Variants in ATP10A observed in about 807,000 individuals in gnomAD.
ATP10A encodes the protein phospholipid-transporting ATPase VA.
Under a neutral mutation model 147.8 loss-of-function variants are expected in ATP10A, and 111 were observed. The observed-to-expected ratio is 0.75, with a 90% CI of 0.64 to 0.88. ATP10A has a LOEUF of 0.88. Ranked by LOEUF, ATP10A falls within the 40% of genes least tolerant of loss-of-function variation. ATP10A has a pLI of 0.00. For missense variants in ATP10A, 1,927 were observed against 1,959.0 expected (o/e 0.98, Z 0.31); for synonymous variants, 875 against 841.6 (o/e 1.04, Z -0.69).
chr15:25,806,998 T>A (rs1306085214), intron 1 of ATP10A, among the ~76,000 whole-genome samples: 1 of 152,178 alleles, frequency 6.6e-6, no homozygotes, highest in Non-Finnish European at 1.5e-5. Flanking sequence ...CACTCACACG[T>A]GTGTTTCCAT....
At chr15:25,775,886 T>C (rs1933426856) in intron 2 of ATP10A, among the ~76,000 whole-genome samples, 1 of 152,246 alleles carries the variant, frequency 6.6e-6, no homozygotes, top group South Asian at 2.1e-4. Context: ...TCACCCCGGC[T>C]GAAATTCCAA....
intron 15 of ATP10A, among the ~76,000 whole-genome samples, chr15:25,688,271 C>G (rs984151983): frequency 4.6e-5 from 7 of 152,144 alleles, no homozygotes; most frequent in Non-Finnish European, 1.5e-5. Flanking sequence ...ACAGACATTC[C>G]CCTGTCCTGG....
chr15:25,807,956 T>C (rs1032180574), intron 1 of ATP10A, among the ~76,000 whole-genome samples: 7 of 151,756 alleles, frequency 4.6e-5, no homozygotes, highest in African/African-American at 1.2e-4. Context: ...CAGTAGAACA[T>C]ACCAGTAGGA....
At chr15:25,682,962 G>A (rs918274746) in intron 17 of ATP10A, among the ~76,000 whole-genome samples, 22 of 152,064 alleles carry the variant, frequency 1.4e-4, no homozygotes, top group South Asian at 4.2e-4. Flanking sequence ...GTTAATTCCC[G>A]TTCAAAATAA....
At chr15:25,832,296 T>G (rs1892393081) in intron 1 of ATP10A, among the ~76,000 whole-genome samples, 1 of 152,210 alleles carries the variant, frequency 6.6e-6, no homozygotes, top group African/African-American at 2.4e-5. Flanking sequence ...TTAAGCCACC[T>G]GGTGTATGGT....
chr15:25,695,021 C>T lies in ATP10A; in HGVS notation c.2886G>A (p.Thr962=), dbSNP rs112134913. The change falls in exon 14 of 21, where the codon ACG becomes ACA. Residue 962 remains threonine, a synonymous_variant. Coordinates refer to ENST00000555815, the MANE Select transcript of ATP10A (RefSeq NM_024490.4). ...TGGGTCTGCGGCCAGAGGCAGTGGA[C>T]GTGGAGGGTGGGCAGAGAGAGGAGA... ...MRFSSLCPPS[T]STASGRRPSL... is the part of the protein sequence containing the mutation. The T allele has an allele frequency of 1.2e-3, 2,015 of 1,614,146 alleles. 15 individuals are homozygous for T. The African/African-American group carries it at 0.02, about 16-fold the overall frequency.
chr15:25,719,639 G>T (rs1902085939), intron 7 of ATP10A, among the ~76,000 whole-genome samples: 1 of 151,736 alleles, frequency 6.6e-6, no homozygotes, highest in African/African-American at 2.4e-5. Context: ...TTCCCTCAGA[G>T]GCTGTGGGGG....
chr15:25,818,809 A>G (rs1027210049), intron 1 of ATP10A, among the ~76,000 whole-genome samples: 2 of 152,114 alleles, frequency 1.3e-5, no homozygotes, highest in Admixed American at 1.3e-4. Flanking sequence ...TGATCTCACA[A>G]AGTCGACAAA....
intron 1 of ATP10A, among the ~76,000 whole-genome samples, chr15:25,787,402 C>G (rs943708515): frequency 6.6e-6 from 1 of 151,700 alleles, no homozygotes; most frequent in Non-Finnish European, 1.5e-5. Flanking sequence ...TCATTTGAAC[C>G]CAGGAGTTCA....
rs377733829 is a variant in ATP10A, at chr15:25,683,386, G to A, written c.3392C>T (p.Ser1131Leu). The change falls in exon 17 of 21, where the codon TCG becomes TTG. Residue 1131 changes from serine (S) to leucine (L), a missense_variant. Coordinates refer to ENST00000555815, the MANE Select transcript of ATP10A (RefSeq NM_024490.4). The stretch of plus-strand genomic sequence containing the variant: ...CCCAGTCACGAGCGGGGGAAGTGAC[G>A]AGAAGAGCAGATTAAAGAAGATTAG... ...WYLIFFNLLF[S>L]SLPPLVTGVL... 3.7e-6 allele frequency: 6 copies of A among 1,614,076 alleles called. No homozygotes were observed. Among genetic ancestry groups the A allele is most frequent in the South Asian group, 1.1e-5 (1 of 91,072 alleles).
intron 15 of ATP10A, among the ~76,000 whole-genome samples, chr15:25,689,276 G>T (rs985114598): frequency 1.8e-4 from 27 of 152,184 alleles, no homozygotes; most frequent in Admixed American, 1.6e-3. Flanking sequence ...AGAGATGTTG[G>T]GGTCACCTTG....
intron 5 of ATP10A, among the ~76,000 whole-genome samples, chr15:25,724,715 C>T (rs1021076442): frequency 5.9e-5 from 9 of 152,146 alleles, no homozygotes; most frequent in African/African-American, 1.9e-4. Context: ...AGTTTAGCAC[C>T]AGGTTACTGA....
At position 25,819,487 on chromosome 15, in the gene ATP10A, A is replaced by G. The variant is rs561011810; in HGVS notation, c.450-38264T>C. ...AACACTGGTGGTGGAAATGTAAATT[A>G]GTACAAATCTATGGAAAACAATATG... On this transcript the variant is annotated intron_variant, in intron 1 of 20. Coordinates refer to ENST00000555815, the MANE Select transcript of ATP10A (RefSeq NM_024490.4). Among the ~76,000 whole-genome samples the G allele has an allele frequency of 3.9e-5, 6 of 152,310 alleles. No individual in the cohort carries two copies. The South Asian group carries it at 1.2e-3, about 32-fold the overall frequency.
At position 25,733,590 on chromosome 15, in the gene ATP10A, G is replaced by A. The variant is rs180814979; in HGVS notation, c.740+2466C>T. On this transcript the variant is annotated intron_variant, in intron 3 of 20. Transcript: ENST00000555815. ...GGCCCCTCCTGACCTGTCTGGCTGGGAGAGGGGCCATCCAGGCCCTGACAG... is the reference window on the plus strand; with the variant it reads ...GGCCCCTCCTGACCTGTCTGGCTGGAAGAGGGGCCATCCAGGCCCTGACAG... Among the ~76,000 whole-genome samples, 11 of 152,346 alleles carry A rather than the reference G, an allele frequency of 7.2e-5. No individual in the cohort carries two copies. In the East Asian group the frequency reaches 2.1e-3, roughly 29 times the overall value.
chr15:25,713,879 C>T lies in ATP10A; in HGVS notation c.2139G>A (p.Val713=). 1.2e-6 allele frequency: 2 copies of T among 1,613,848 alleles called. No homozygotes were observed. The highest frequency in any genetic ancestry group is 1.1e-5 in the South Asian group (1 of 91,092). Residue 713 remains valine, a synonymous_variant, in exon 10 of 21, where the codon GTG becomes GTA. Coordinates refer to ENST00000555815, the MANE Select transcript of ATP10A (RefSeq NM_024490.4). ...CTTGGTCGTGCAGCCGCTCCACAAG[C>T]ACGCAGTTGTAGGCTCTGGCCGCAT... ...LVYAARAYNC[V]LVERLHDQVS...
At chr15:25,691,900 G>C in intron 14 of ATP10A, 109 bp from the exon 15 acceptor site, 1 of 1,282,708 alleles carries the variant, frequency 7.8e-7, no homozygotes, top group Non-Finnish European at 1.1e-6. Flanking sequence ...TCCTGTGAAA[G>C]CGTCCTGGGG....
downstream of ATP10A, among the ~76,000 whole-genome samples, chr15:25,673,151 G>C (rs969189973): frequency 6.6e-6 from 1 of 152,152 alleles, no homozygotes; most frequent in Non-Finnish European, 1.5e-5. Context: ...CAGCCGTCAG[G>C]ATGAACTGGA....
At position 25,724,006 on chromosome 15, in the gene ATP10A, A is replaced by G; in HGVS notation, c.995T>C (p.Ile332Thr). 5 of 1,603,800 alleles carry G rather than the reference A, an allele frequency of 3.1e-6. No homozygotes were observed. The highest frequency in any genetic ancestry group is 4.3e-6 in the Non-Finnish European group (5 of 1,176,218). ...TGACTTCTTCTCTTGATACCGCCAT[A>G]TCCACAGTCCATGTCCTGTAGTAAT... ...LFSAVGHGLWIWRYQEKKSLF... is the reference protein window; with the variant it reads ...LFSAVGHGLWTWRYQEKKSLF... The change falls in exon 6 of 21, where the codon ATA becomes ACA. Residue 332 changes from isoleucine (I) to threonine (T), a missense_variant. Physicochemically the swap from Ile to Thr is moderately conservative, Grantham distance 89. Coordinates refer to ENST00000555815, the MANE Select transcript of ATP10A (RefSeq NM_024490.4).
intron 2 of ATP10A, among the ~76,000 whole-genome samples, chr15:25,756,559 C>A (rs1596823875): frequency 6.6e-6 from 1 of 152,168 alleles, no homozygotes; most frequent in East Asian, 1.9e-4. Context: ...AGGAGAATGG[C>A]GTGAACCCAG....
Sources: gnomAD v4.1 joint callset for allele counts (sites outside exome capture counted in the v4.1 genomes callset) on GRCh38, gnomAD v4.1.1 for gene constraint, MANE v1.5 for transcripts, NCBI Gene and HGNC (gene_info 2026-07-23, HGNC 2026-07-21) for gene names.